The following C6 variants were observed in gnomAD, a reference collection of about 807,000 sequenced individuals.
C6 encodes complement component C6.
In C6, 101 loss-of-function variants were observed where a neutral mutation model predicts 112.9. The ratio of observed to expected loss-of-function variants is 0.89; its 90% CI spans 0.76 to 1.06. C6 has a LOEUF of 1.06. C6 is among the 50% of genes least tolerant of loss of function. The pLI is 0.00. For missense variants in C6, 1,202 were observed against 1,104.6 expected (o/e 1.09, Z -1.25); for synonymous variants, 431 against 384.1 (o/e 1.12, Z -1.43).
At chr5:41,150,884 TA>T (rs71606599) in intron 15 of C6, among the ~76,000 whole-genome samples, 41,545 of 129,840 alleles carry the variant, frequency 0.32, 6,043 homozygotes, top group South Asian at 0.39. Flanking sequence ...AGACTCTGTC[TA>T]AAAAAAAAAA....
chr5:41,180,485 A>G (rs1749240310), intron 7 of C6, among the ~76,000 whole-genome samples: 1 of 152,136 alleles, frequency 6.6e-6, no homozygotes, highest in Non-Finnish European at 1.5e-5. Flanking sequence ...ATAATAGGAG[A>G]AAAAGGAACA....
intron 6 of C6, 66 bp downstream of exon 6, chr5:41,186,004 T>C: frequency 6.3e-7 from 1 of 1,592,142 alleles, no homozygotes; most frequent in South Asian, 1.1e-5. Context: ...TCACTAATTT[T>C]GCATGAGAAA....
chr5:41,238,425 C>T (rs1474946135), intron 1 of C6, among the ~76,000 whole-genome samples: 5 of 152,140 alleles, frequency 3.3e-5, no homozygotes, highest in Admixed American at 2.0e-4. Context: ...AATAATGCCA[C>T]ATATCTCATT....
At chr5:41,251,402 C>T (rs1247180049) in intron 1 of C6, among the ~76,000 whole-genome samples, 2 of 152,166 alleles carry the variant, frequency 1.3e-5, no homozygotes, top group Admixed American at 6.5e-5. Flanking sequence ...GGATCACTGG[C>T]ACCACTGGCA....
chr5:41,150,913 G>T lies in C6; in HGVS notation c.2291-888C>A, dbSNP rs140569360. ...AAAAAAAAAAAAAGGCAGGCAGCATGTGAGTTTCCTGGAACTGAAAGAACC... is the reference window on the plus strand; with the variant it reads ...AAAAAAAAAAAAAGGCAGGCAGCATTTGAGTTTCCTGGAACTGAAAGAACC... On this transcript the variant is annotated intron_variant, in intron 15 of 17. Transcript: ENST00000337836. 9.9e-3 allele frequency among the ~76,000 whole-genome samples: 1,507 copies of T among 151,596 alleles called. 12 individuals carry two copies. Among genetic ancestry groups the T allele is most frequent in the Non-Finnish European group, 0.015 (1,010 of 67,878 alleles).
At chr5:41,253,961 G>T (rs1398497343) in intron 1 of C6, among the ~76,000 whole-genome samples, 1 of 152,164 alleles carries the variant, frequency 6.6e-6, no homozygotes, top group Non-Finnish European at 1.5e-5. Flanking sequence ...TCTAAGTATA[G>T]ATCCCAACCT....
At chr5:41,194,428 T>C (rs1006629809) in intron 5 of C6, among the ~76,000 whole-genome samples, 4 of 152,202 alleles carry the variant, frequency 2.6e-5, no homozygotes, top group Non-Finnish European at 5.9e-5. Context: ...TCAGCTCCTC[T>C]TACTTTCAGA....
intron 5 of C6, among the ~76,000 whole-genome samples, 186 bp downstream of exon 5, chr5:41,195,606 T>C (rs1310823266): frequency 6.6e-6 from 1 of 152,214 alleles, no homozygotes; most frequent in African/African-American, 2.4e-5. Flanking sequence ...TGCTAACTTT[T>C]ACTTCTCAGG....
In C6 at chr5:41,160,238, C is replaced by CATT; in HGVS notation, c.1585_1587dup (p.Asn529dup). 6.2e-7 allele frequency: 1 copy of CATT among 1,613,876 alleles called. No homozygotes were observed. Among genetic ancestry groups the CATT allele is most frequent in the Non-Finnish European group, 8.5e-7 (1 of 1,179,860 alleles). On this transcript the variant is annotated inframe_insertion, in exon 11 of 18. Coordinates refer to ENST00000337836, the MANE Select transcript of C6 (RefSeq NM_000065.5). ...TCAGTCCCTGAGAGGGTGGGTCGGC[C>CATT]ATTATTAGGGCATGGAGCACACTGG...
At chr5:41,243,536 C>A (rs998686768) in intron 1 of C6, among the ~76,000 whole-genome samples, 2 of 151,868 alleles carry the variant, frequency 1.3e-5, no homozygotes, top group Admixed American at 1.3e-4. Flanking sequence ...TTTTAAAGTT[C>A]TTTTTGATTT....
At chr5:41,230,023 G>A (rs1348361321) in intron 1 of C6, among the ~76,000 whole-genome samples, 1 of 152,056 alleles carries the variant, frequency 6.6e-6, no homozygotes, top group Admixed American at 6.6e-5. Flanking sequence ...CATAAATTGT[G>A]AAGATTTCAT....
At chr5:41,193,612 CTG>C (rs1468387215) in intron 5 of C6, among the ~76,000 whole-genome samples, 1 of 152,112 alleles carries the variant, frequency 6.6e-6, no homozygotes, top group African/African-American at 2.4e-5. Context: ...GTCCTTTCAA[CTG>C]TGTGTGTATC....
intron 1 of C6, among the ~76,000 whole-genome samples, chr5:41,219,729 A>G (rs1739048061): frequency 6.6e-6 from 1 of 152,208 alleles, no homozygotes; most frequent in African/African-American, 2.4e-5. Flanking sequence ...AGCAACTCCA[A>G]GTTTTAACAT....
intron 8 of C6, among the ~76,000 whole-genome samples, chr5:41,174,206 A>G (rs1473254830): frequency 6.6e-6 from 1 of 152,182 alleles, no homozygotes; most frequent in East Asian, 1.9e-4. Context: ...GACTTTATCA[A>G]TGAATTTCTG....
chr5:41,255,358 TAA>T (rs35687201), intron 1 of C6, among the ~76,000 whole-genome samples: 4 of 144,218 alleles, frequency 2.8e-5, no homozygotes, highest in African/African-American at 7.8e-5. Context: ...GAGATTCCGT[TAA>T]AAAAAAAAAA....
chr5:41,202,674 G>T (rs904196373), intron 2 of C6, among the ~76,000 whole-genome samples: 8 of 152,120 alleles, frequency 5.3e-5, no homozygotes, highest in African/African-American at 1.9e-4. Context: ...TTGCCATTTT[G>T]TATATGCCAA....
intron 14 of C6, 24 bp from the exon 15 acceptor site, chr5:41,154,022 T>C (rs372406059): frequency 5.0e-6 from 8 of 1,608,360 alleles, no homozygotes; most frequent in Non-Finnish European, 6.8e-6. Context: ...ACATTTCATA[T>C]GTGTTTAGTG....
intron 1 of C6, among the ~76,000 whole-genome samples, chr5:41,212,329 T>A (rs1751997719): frequency 6.6e-6 from 1 of 151,908 alleles, no homozygotes; most frequent in African/African-American, 2.4e-5. Context: ...CCCAGCTAAT[T>A]TTTGTATTTT....
At chr5:41,183,659 T>C (rs1749532051) in intron 6 of C6, among the ~76,000 whole-genome samples, 1 of 152,194 alleles carries the variant, frequency 6.6e-6, no homozygotes, top group Admixed American at 6.5e-5. Flanking sequence ...CAAATTGTTC[T>C]ACCAAAAAGA....
Sources: gnomAD v4.1 joint callset for allele counts (sites outside exome capture counted in the v4.1 genomes callset) on GRCh38, gnomAD v4.1.1 for gene constraint, MANE v1.5 for transcripts, NCBI Gene and HGNC (gene_info 2026-07-23, HGNC 2026-07-21) for gene names.